Variants in GRAMD1C observed in about 807,000 individuals in gnomAD.
The protein encoded by GRAMD1C is GRAM domain containing 1C, also known as protein Aster-C.
Under a neutral mutation model 97.8 loss-of-function variants are expected in GRAMD1C, and 89 were observed. That is an observed-to-expected ratio of 0.91 (90% CI 0.77 to 1.09). The LOEUF is 1.09. GRAMD1C is among the 50% of genes least tolerant of loss of function. The pLI, the probability that GRAMD1C is intolerant of heterozygous loss-of-function variation, is 0.00. For synonymous variants in GRAMD1C, 256 were observed against 267.0 expected (o/e 0.96, Z 0.40); for missense variants, 740 against 766.4 (o/e 0.97, Z 0.41).
chr3:113,900,651 C>T (rs1193777781), intron 6 of GRAMD1C, among the ~76,000 whole-genome samples: 1 of 151,250 alleles, frequency 6.6e-6, no homozygotes, highest in Non-Finnish European at 1.5e-5. Context: ...TGGTCTCGAT[C>T]TCTTGACCTC....
At chr3:113,930,902 A>G in intron 11 of GRAMD1C, 70 bp downstream of exon 11, 1 of 760,182 alleles carries the variant, frequency 1.3e-6, no homozygotes, top group East Asian at 2.5e-5. Flanking sequence ...ATTATAGTTC[A>G]CCAATTTACA....
At chr3:113,872,448 G>A (rs1342653758) in intron 3 of GRAMD1C, among the ~76,000 whole-genome samples, 3 of 139,438 alleles carry the variant, frequency 2.2e-5, no homozygotes, top group Non-Finnish European at 4.5e-5. Context: ...AGACTGGAGT[G>A]CAGTGGTGTG....
At chr3:113,902,794 C>T (rs1320045019) in intron 7 of GRAMD1C, among the ~76,000 whole-genome samples, 1 of 150,350 alleles carries the variant, frequency 6.7e-6, no homozygotes, top group African/African-American at 2.5e-5. Flanking sequence ...TTGCGGTGCC[C>T]ACCACCACGC....
At chr3:113,844,679 A>C in intron 2 of GRAMD1C, 30 bp downstream of exon 2, 2 of 1,493,344 alleles carry the variant, frequency 1.3e-6, no homozygotes, top group Non-Finnish European at 1.8e-6. Context: ...CTTTATTTTA[A>C]TCTTGAATAC....
chr3:113,880,827 A>G (rs980789958), intron 5 of GRAMD1C, among the ~76,000 whole-genome samples: 1 of 152,216 alleles, frequency 6.6e-6, no homozygotes, highest in African/African-American at 2.4e-5. Context: ...AAGAAAAGTG[A>G]GCCAATTCAC....
At chr3:113,883,906 G>T (rs1373942550) in intron 6 of GRAMD1C, among the ~76,000 whole-genome samples, 2 of 151,982 alleles carry the variant, frequency 1.3e-5, no homozygotes, top group African/African-American at 4.8e-5. Context: ...GCACTTTGGG[G>T]GACTTGAGGC....
chr3:113,890,915 A>T, intron 6 of GRAMD1C: 1 of 534,158 alleles, frequency 1.9e-6, no homozygotes, highest in Non-Finnish European at 3.3e-6. Context: ...AGAATACTGG[A>T]GGCCACCCAC....
At chr3:113,845,587 C>G (rs1450337470) in intron 2 of GRAMD1C, among the ~76,000 whole-genome samples, 1 of 152,074 alleles carries the variant, frequency 6.6e-6, no homozygotes, top group Non-Finnish European at 1.5e-5. Context: ...CAGGCTACAT[C>G]CCAGCTACTC....
chr3:113,904,092 T>C (rs1936268198), intron 7 of GRAMD1C, 48 bp from the exon 8 acceptor site: 1 of 1,498,266 alleles, frequency 6.7e-7, no homozygotes, highest in African/African-American at 1.4e-5. Context: ...AAATCATTTA[T>C]TTGTGTGGAG....
chr3:113,890,571 T>C (rs2107422484), intron 6 of GRAMD1C: 1 of 557,180 alleles, frequency 1.8e-6, no homozygotes, highest in African/African-American at 1.9e-5. Context: ...ATTCTAGCAC[T>C]GGCTGAAAAC....
At chr3:113,909,437 A>G (rs920416396) in intron 9 of GRAMD1C, among the ~76,000 whole-genome samples, 24 of 152,352 alleles carry the variant, frequency 1.6e-4, no homozygotes, top group South Asian at 6.2e-4. Flanking sequence ...GTAGAGTGAC[A>G]TATTATTTCA....
At chr3:113,828,986 A>C (rs940102662) in intron 1 of GRAMD1C, among the ~76,000 whole-genome samples, 1 of 151,948 alleles carries the variant, frequency 6.6e-6, no homozygotes, top group Non-Finnish European at 1.5e-5. Context: ...TAATCCTCAC[A>C]CTTTCATTGG....
intron 7 of GRAMD1C, among the ~76,000 whole-genome samples, chr3:113,901,918 G>A (rs1200987907): frequency 1.3e-5 from 2 of 152,200 alleles, no homozygotes; most frequent in African/African-American, 4.8e-5. Context: ...GAACTGGTAA[G>A]TTTATAGAGA....
At position 113,912,453 on chromosome 3, in the gene GRAMD1C, G is replaced by A. The variant is rs559909270; in HGVS notation, c.953-3248G>A. 2.6e-5 allele frequency among the ~76,000 whole-genome samples: 4 copies of A among 152,200 alleles called. No individual in the cohort carries two copies. The South Asian group carries it at 8.3e-4, about 32-fold the overall frequency. On this transcript the variant is annotated intron_variant, in intron 9 of 17. Transcript: ENST00000358160. ...GGTTTGAGAAAGATAAAAGATTTTG[G>A]TTTTTCTTGGTTGAGCACGGTGGCT...
intron 1 of GRAMD1C, among the ~76,000 whole-genome samples, chr3:113,843,671 AT>A (rs1933476657): frequency 6.6e-6 from 1 of 152,108 alleles, no homozygotes; most frequent in Admixed American, 6.5e-5. Flanking sequence ...ACAGGGTTTC[AT>A]TATATCGGCC....
chr3:113,850,653 C>T (rs536325487), intron 2 of GRAMD1C: 22 of 1,606,228 alleles, frequency 1.4e-5, no homozygotes, highest in African/African-American at 6.7e-5. Context: ...GGCATGTGGA[C>T]GTCCTTCTTG....
At chr3:113,877,478 CT>C (rs1383115021) in intron 5 of GRAMD1C, among the ~76,000 whole-genome samples, 1 of 152,148 alleles carries the variant, frequency 6.6e-6, no homozygotes, top group Non-Finnish European at 1.5e-5. Context: ...TGGAAGAGCT[CT>C]TTCGTCTTTT....
chr3:113,936,683 G>T, intron 14 of GRAMD1C: 1 of 338,814 alleles, frequency 3.0e-6, no homozygotes, highest in South Asian at 1.1e-4. Context: ...TTTAAGAATT[G>T]GACATTAAAC....
intron 17 of GRAMD1C, among the ~76,000 whole-genome samples, chr3:113,940,806 TA>T (rs1344004041): frequency 6.6e-6 from 1 of 152,256 alleles, no homozygotes; most frequent in Non-Finnish European, 1.5e-5. Flanking sequence ...AACAGCTGCA[TA>T]AGATTCAACT....
Sources: gnomAD v4.1 joint callset for allele counts (sites outside exome capture counted in the v4.1 genomes callset) on GRCh38, gnomAD v4.1.1 for gene constraint, MANE v1.5 for transcripts, NCBI Gene and HGNC (gene_info 2026-07-23, HGNC 2026-07-21) for gene names.